The following LINGO2 variants were observed in gnomAD, a reference collection of about 807,000 sequenced individuals.
The protein encoded by LINGO2 is leucine-rich repeat and immunoglobulin-like domain-containing nogo receptor-interacting protein 2.
Under a neutral mutation model 30.6 loss-of-function variants are expected in LINGO2, and 14 were observed. The observed-to-expected ratio is 0.46, with a 90% CI of 0.30 to 0.72. The LOEUF (loss-of-function observed/expected upper bound fraction) is 0.72. Ranked by LOEUF, LINGO2 falls within the 30% of genes least tolerant of loss-of-function variation. The pLI is 0.07. For missense variants in LINGO2, 729 were observed against 751.7 expected (o/e 0.97, Z 0.35); for synonymous variants, 317 against 288.5 (o/e 1.10, Z -1.00).
chr9:28,639,086 C>T lies in LINGO2; in HGVS notation c.-365+31114G>A, dbSNP rs557550606. Among the ~76,000 whole-genome samples the T allele has an allele frequency of 8.6e-4, 131 of 152,084 alleles. 2 individuals are homozygous for T. Among genetic ancestry groups the T allele is most frequent in the Admixed American group, 4.7e-3 (71 of 15,254 alleles). On this transcript the variant is annotated intron_variant, in intron 1 of 5. Transcript: ENST00000379992. Reference sequence around the variant, plus strand: ...CTTCATTTCATTATGTACCCAGTAGCCACTCAGGAGCAGGTTGTTCAGTTT... The same window carrying T: ...CTTCATTTCATTATGTACCCAGTAGTCACTCAGGAGCAGGTTGTTCAGTTT...
chr9:28,251,348 G>C (rs1270897723), intron 4 of LINGO2, among the ~76,000 whole-genome samples: 1 of 152,076 alleles, frequency 6.6e-6, no homozygotes, highest in Non-Finnish European at 1.5e-5. Flanking sequence ...CAGGGTAGTT[G>C]CAATATGCCT....
At chr9:28,856,169 G>A in the LINGO2 span, among the ~76,000 whole-genome samples, 5 of 152,008 alleles carry the variant, frequency 3.3e-5, no homozygotes, top group East Asian at 7.8e-4. Flanking sequence ...AGGATATTGG[G>A]AGAACACAAT....
At chr9:29,037,816 C>T in the LINGO2 span, among the ~76,000 whole-genome samples, 199 of 151,958 alleles carry the variant, frequency 1.3e-3, 1 homozygote, top group South Asian at 1.9e-3. Context: ...AAACCACATA[C>T]TTGATAGAAT....
the LINGO2 span, among the ~76,000 whole-genome samples, chr9:29,208,341 A>G: frequency 1.3e-5 from 2 of 152,090 alleles, no homozygotes; most frequent in African/African-American, 4.8e-5. Context: ...TTTGTTATCA[A>G]AACTCTTTAA....
intron 4 of LINGO2, among the ~76,000 whole-genome samples, chr9:28,070,162 A>G (rs1587806960): frequency 6.6e-6 from 1 of 151,668 alleles, no homozygotes; most frequent in African/African-American, 2.4e-5. Flanking sequence ...TGGTTTAAGG[A>G]CCCCCATTTC....
the LINGO2 span, among the ~76,000 whole-genome samples, chr9:28,985,099 A>G: frequency 6.6e-6 from 1 of 152,096 alleles, no homozygotes; most frequent in East Asian, 1.9e-4. Flanking sequence ...GATTCCACAT[A>G]TAAGTGAAAA....
intron 4 of LINGO2, among the ~76,000 whole-genome samples, chr9:28,131,313 G>T (rs17698721): frequency 6.6e-6 from 1 of 152,024 alleles, no homozygotes; most frequent in Non-Finnish European, 1.5e-5. Context: ...GGATCTTTGG[G>T]GTCTGTTAAT....
At chr9:28,064,644 C>A (rs886583864) in intron 4 of LINGO2, among the ~76,000 whole-genome samples, 1 of 152,046 alleles carries the variant, frequency 6.6e-6, no homozygotes, top group Non-Finnish European at 1.5e-5. Flanking sequence ...GCTCTGATTA[C>A]AAAATAATGG....
At chr9:27,977,710 C>A (rs1235266165) in intron 5 of LINGO2, among the ~76,000 whole-genome samples, 1 of 151,694 alleles carries the variant, frequency 6.6e-6, no homozygotes, top group Non-Finnish European at 1.5e-5. Context: ...TTTTCTCCCC[C>A]CATCACATGG....
rs193203795 is a variant in LINGO2 at position 28,050,941 on chromosome 9, A to G, written c.-86-38536T>C. The stretch of plus-strand genomic sequence containing the variant: ...AAATATTGAAAACACACTGTAGTAC[A>G]TGTTATGACAGTGGTGGGCTCAACA... On this transcript the variant is annotated intron_variant, in intron 4 of 5. Transcript: ENST00000379992. 7.9e-5 allele frequency among the ~76,000 whole-genome samples: 12 copies of G among 151,142 alleles called. No homozygotes were observed. The Admixed American group carries it at 7.9e-4, about 10-fold the overall frequency.
chr9:28,550,279 T>C (rs1043315493), intron 1 of LINGO2, among the ~76,000 whole-genome samples: 5 of 151,880 alleles, frequency 3.3e-5, no homozygotes, highest in African/African-American at 1.2e-4. Flanking sequence ...TTTTATGTGC[T>C]ATGTTGCTTA....
At chr9:27,993,926 T>TA (rs921787085) in intron 5 of LINGO2, among the ~76,000 whole-genome samples, 87 of 147,444 alleles carry the variant, frequency 5.9e-4, no homozygotes, top group Middle Eastern at 3.4e-3. Context: ...TTCAACAAAT[T>TA]AAAAAAAAAA....
At chr9:28,550,695 T>G (rs1393635181) in intron 1 of LINGO2, among the ~76,000 whole-genome samples, 1 of 151,828 alleles carries the variant, frequency 6.6e-6, no homozygotes, top group African/African-American at 2.4e-5. Context: ...AAATTACCAT[T>G]TAATATTTTT....
At chr9:28,381,011 G>T (rs1031931801) in intron 2 of LINGO2, among the ~76,000 whole-genome samples, 9 of 152,074 alleles carry the variant, frequency 5.9e-5, no homozygotes, top group African/African-American at 2.2e-4. Context: ...AGGGCCCAAA[G>T]GAACACAGTA....
At chr9:28,054,463 C>T (rs1040838889) in intron 4 of LINGO2, among the ~76,000 whole-genome samples, 4 of 152,114 alleles carry the variant, frequency 2.6e-5, no homozygotes, top group African/African-American at 9.7e-5. Flanking sequence ...TATATACACA[C>T]AATTTTATCT....
At chr9:28,277,672 G>C (rs1373469168) in intron 4 of LINGO2, among the ~76,000 whole-genome samples, 1 of 151,758 alleles carries the variant, frequency 6.6e-6, no homozygotes, top group Non-Finnish European at 1.5e-5. Context: ...AGCTGGGTGT[G>C]GTGGCAGGCA....
chr9:29,109,276 G>T, the LINGO2 span, among the ~76,000 whole-genome samples: 1 of 152,190 alleles, frequency 6.6e-6, no homozygotes, highest in Middle Eastern at 3.4e-3. Context: ...TGCTTCTTTA[G>T]AAGGTAGACT....
intron 4 of LINGO2, among the ~76,000 whole-genome samples, chr9:28,175,750 T>A (rs796523930): frequency 8.5e-5 from 13 of 152,290 alleles, no homozygotes; most frequent in African/African-American, 3.1e-4. Flanking sequence ...CTCTGTAAGA[T>A]AAGGAAGATT....
chr9:28,842,821 T>A, the LINGO2 span, among the ~76,000 whole-genome samples: 1 of 151,790 alleles, frequency 6.6e-6, no homozygotes, highest in African/African-American at 2.4e-5. Context: ...TCAACACTAA[T>A]CCCATCTCTC....
Sources: gnomAD v4.1 joint callset for allele counts (sites outside exome capture counted in the v4.1 genomes callset) on GRCh38, gnomAD v4.1.1 for gene constraint, MANE v1.5 for transcripts, NCBI Gene and HGNC (gene_info 2026-07-23, HGNC 2026-07-21) for gene names.